Variants in MAGI1 observed in about 807,000 individuals in gnomAD.
MAGI1 encodes membrane-associated guanylate kinase, WW and PDZ domain-containing protein 1.
A neutral mutation model predicts 139.9 loss-of-function variants in MAGI1; 58 were observed. The ratio of observed to expected loss-of-function variants is 0.41; its 90% CI spans 0.34 to 0.52. MAGI1 has a LOEUF of 0.52. Ranked by LOEUF, MAGI1 falls within the 20% of genes least tolerant of loss-of-function variation. MAGI1 has a pLI of 0.12. For missense variants in MAGI1, 1,874 were observed against 1,901.6 expected (o/e 0.99, Z 0.27); for synonymous variants, 812 against 737.9 (o/e 1.10, Z -1.63).
At chr3:65,789,882 TTC>T (rs2039645776) in intron 1 of MAGI1, among the ~76,000 whole-genome samples, 1 of 152,218 alleles carries the variant, frequency 6.6e-6, no homozygotes, top group African/African-American at 2.4e-5. Context: ...CCTGTCTTTG[TTC>T]TGTTTTCCAC....
chr3:65,844,816 T>TA (rs2058929866), intron 1 of MAGI1, among the ~76,000 whole-genome samples: 1 of 152,166 alleles, frequency 6.6e-6, no homozygotes, highest in African/African-American at 2.4e-5. Flanking sequence ...TACAGACTAT[T>TA]ACCTACCAAT....
intron 2 of MAGI1, among the ~76,000 whole-genome samples, chr3:65,551,081 G>A (rs924455813): frequency 5.9e-5 from 9 of 152,164 alleles, no homozygotes; most frequent in Admixed American, 5.2e-4. Context: ...TGTGTGGAGG[G>A]AGACAGGTAA....
intron 1 of MAGI1, among the ~76,000 whole-genome samples, chr3:66,018,861 G>A (rs945171612): frequency 6.6e-6 from 1 of 152,124 alleles, no homozygotes; most frequent in African/African-American, 2.4e-5. Context: ...ATCACCTCTC[G>A]CTCTTCCCTT....
intron 2 of MAGI1, among the ~76,000 whole-genome samples, chr3:65,567,262 T>C (rs2080706464): frequency 6.7e-6 from 1 of 149,684 alleles, no homozygotes; most frequent in Non-Finnish European, 1.5e-5. Context: ...CAACTTTTGT[T>C]TGGAGATAAT....
chr3:65,572,205 A>G (rs2080992232), intron 2 of MAGI1, among the ~76,000 whole-genome samples: 1 of 152,150 alleles, frequency 6.6e-6, no homozygotes, highest in African/African-American at 2.4e-5. Flanking sequence ...TATCTTATCA[A>G]TATCACCCTA....
At chr3:65,658,431 G>A (rs1278342864) in intron 1 of MAGI1, among the ~76,000 whole-genome samples, 1 of 152,142 alleles carries the variant, frequency 6.6e-6, no homozygotes, top group Non-Finnish European at 1.5e-5. Flanking sequence ...TAGTTGCTCT[G>A]TTCTCCAACA....
chr3:65,477,972 A>C (rs1327872449), intron 4 of MAGI1, among the ~76,000 whole-genome samples: 1 of 151,842 alleles, frequency 6.6e-6, no homozygotes, highest in East Asian at 1.9e-4. Flanking sequence ...TAAAATATAT[A>C]TAATATAGTC....
At chr3:65,525,342 T>C (rs929912521) in intron 2 of MAGI1, among the ~76,000 whole-genome samples, 2 of 152,158 alleles carry the variant, frequency 1.3e-5, no homozygotes, top group African/African-American at 4.8e-5. Flanking sequence ...TTTTCTCTCT[T>C]CTCCTTTACA....
chr3:65,995,769 C>T (rs1184249504), intron 1 of MAGI1, among the ~76,000 whole-genome samples: 1 of 152,090 alleles, frequency 6.6e-6, no homozygotes, highest in Admixed American at 6.6e-5. Flanking sequence ...CATTTCTATC[C>T]TCCTCAACAG....
intron 1 of MAGI1, among the ~76,000 whole-genome samples, chr3:65,695,405 C>A (rs879528899): frequency 2.0e-4 from 31 of 152,148 alleles, no homozygotes; most frequent in Non-Finnish European, 4.1e-4. Flanking sequence ...CAAAGGAAAA[C>A]AGAAGGAGGT....
intron 11 of MAGI1, among the ~76,000 whole-genome samples, 189 bp downstream of exon 11, chr3:65,430,504 GTTTTAA>G (rs1222173411): frequency 6.6e-6 from 1 of 152,146 alleles, no homozygotes; most frequent in Non-Finnish European, 1.5e-5. Flanking sequence ...GACTTCACAG[GTTTTAA>G]TCTGTCCCAA....
Position 65,377,093 on chromosome 3 carries a change from A to G in MAGI1, c.2996-1148T>C, listed in dbSNP as rs190086189. On this transcript the variant is annotated intron_variant, in intron 17 of 22. Coordinates refer to ENST00000402939, the MANE Select transcript of MAGI1 (RefSeq NM_001033057.2). Reference sequence around the variant, plus strand: ...GGTGACAAATAACATGAGGGACATTACAACTAACTGAGTAGGCTCTTCTGT... The same window carrying G: ...GGTGACAAATAACATGAGGGACATTGCAACTAACTGAGTAGGCTCTTCTGT... Among the ~76,000 whole-genome samples the G allele has an allele frequency of 3.0e-3, 458 of 152,324 alleles. 5 individuals are homozygous for G. The highest frequency in any genetic ancestry group is 0.01 in the African/African-American group (433 of 41,582).
chr3:65,912,642 G>T (rs1186312929), intron 1 of MAGI1, among the ~76,000 whole-genome samples: 2 of 152,184 alleles, frequency 1.3e-5, no homozygotes, highest in African/African-American at 4.8e-5. Flanking sequence ...CCCTGACCAA[G>T]TGACTTAATC....
At chr3:65,358,220 A>G (rs1411952000) in intron 22 of MAGI1, among the ~76,000 whole-genome samples, 4 of 152,118 alleles carry the variant, frequency 2.6e-5, no homozygotes, top group South Asian at 4.1e-4. Context: ...TGAATTGAGG[A>G]GAGCTCTTTT....
chr3:66,000,412 C>A (rs1287934134), intron 1 of MAGI1, among the ~76,000 whole-genome samples: 1 of 151,956 alleles, frequency 6.6e-6, no homozygotes, highest in Non-Finnish European at 1.5e-5. Context: ...TTTCTTCCTA[C>A]CCCAATTAAA....
chr3:65,721,477 T>C (rs2033015540), intron 1 of MAGI1, among the ~76,000 whole-genome samples: 1 of 152,210 alleles, frequency 6.6e-6, no homozygotes. Context: ...CTAGTTACAT[T>C]AAACTTGACA....
intron 18 of MAGI1, among the ~76,000 whole-genome samples, chr3:65,366,969 A>G (rs1180189902): frequency 6.6e-6 from 1 of 152,174 alleles, no homozygotes; most frequent in Admixed American, 6.5e-5. Flanking sequence ...AATCAGTGAT[A>G]TTTTATAAAG....
At chr3:65,999,529 G>A (rs181705799) in intron 1 of MAGI1, among the ~76,000 whole-genome samples, 349 of 152,140 alleles carry the variant, frequency 2.3e-3, no homozygotes, top group Admixed American at 4.4e-3. Flanking sequence ...AGGCCTTATG[G>A]CAAATATATG....
chr3:65,715,011 G>A (rs2032047567), intron 1 of MAGI1, among the ~76,000 whole-genome samples: 1 of 152,038 alleles, frequency 6.6e-6, no homozygotes, highest in Admixed American at 6.6e-5. Flanking sequence ...TAAGATGGGT[G>A]GGATGGGGAG....
Sources: allele counts gnomAD v4.1 joint callset (sites outside exome capture counted in the v4.1 genomes callset), GRCh38; gene constraint gnomAD v4.1.1; transcripts MANE v1.5; gene names NCBI Gene and HGNC (gene_info 2026-07-23, HGNC 2026-07-21).